The following CACNA2D1 variants were observed in gnomAD, a reference collection of about 807,000 sequenced individuals.
CACNA2D1 encodes the protein calcium voltage-gated channel auxiliary subunit alpha2delta 1.
A neutral mutation model predicts 171.5 loss-of-function variants in CACNA2D1; 53 were observed. The ratio of observed to expected loss-of-function variants is 0.31; its 90% CI spans 0.25 to 0.39. The LOEUF is 0.39. Among genes scored for constraint, CACNA2D1 ranks in the 10% least tolerant of loss-of-function variants. CACNA2D1 has a pLI of 1.00. For synonymous variants in CACNA2D1, 442 were observed against 443.1 expected (o/e 1.00, Z 0.03); for missense variants, 903 against 1,299.8 (o/e 0.69, Z 4.69).
At chr7:81,982,729 A>C in intron 23 of CACNA2D1, 102 bp from the exon 24 acceptor site, 1 of 805,816 alleles carries the variant, frequency 1.2e-6, no homozygotes, top group Non-Finnish European at 2.2e-6. Flanking sequence ...AATAAGAAAA[A>C]TTGAAAATAG....
chr7:82,259,422 T>C (rs746820260), intron 3 of CACNA2D1, among the ~76,000 whole-genome samples: 3 of 152,210 alleles, frequency 2.0e-5, no homozygotes, highest in Non-Finnish European at 4.4e-5. Flanking sequence ...GTATACCTCA[T>C]TCGTGTCACA....
rs79309697 is a variant in CACNA2D1, at chr7:82,070,459, G to A, written c.659-3935C>T. On this transcript the variant is annotated intron_variant, in intron 7 of 38. Coordinates refer to ENST00000356860, the MANE Select transcript of CACNA2D1 (RefSeq NM_000722.4). Reference sequence around the variant, plus strand: ...AACAGGCTAAGTTGCGCAGGGTGTGGAGAGTGGTAGTGCATGGATAGATTC... The same window carrying A: ...AACAGGCTAAGTTGCGCAGGGTGTGAAGAGTGGTAGTGCATGGATAGATTC... Among the ~76,000 whole-genome samples, 11 of 152,302 alleles carry A rather than the reference G, an allele frequency of 7.2e-5. No individual in the cohort carries two copies. In the South Asian group the frequency reaches 1.7e-3, roughly 23 times the overall value.
intron 3 of CACNA2D1, among the ~76,000 whole-genome samples, chr7:82,216,565 C>T (rs951656828): frequency 5.3e-5 from 8 of 152,068 alleles, no homozygotes; most frequent in African/African-American, 1.9e-4. Context: ...ATAACTACTC[C>T]AAACTTTCCT....
At chr7:82,040,459 A>AAAAC (rs1554367621) in intron 10 of CACNA2D1, among the ~76,000 whole-genome samples, 7 of 145,900 alleles carry the variant, frequency 4.8e-5, no homozygotes, top group South Asian at 2.2e-4. Context: ...ATTCAAAAAA[A>AAAAC]AAAAAAAAAA....
At chr7:81,967,029 GAATAT>G in intron 31 of CACNA2D1, 135 bp downstream of exon 31, 1 of 633,748 alleles carries the variant, frequency 1.6e-6, no homozygotes, top group Non-Finnish European at 2.8e-6. Context: ...AAATTCAAAT[GAATAT>G]ATTATTTCAC....
intron 1 of CACNA2D1, among the ~76,000 whole-genome samples, chr7:82,350,732 T>C (rs1010929578): frequency 3.3e-5 from 5 of 152,152 alleles, no homozygotes; most frequent in African/African-American, 1.2e-4. Flanking sequence ...AGATTTGGAA[T>C]TACTAGATCC....
chr7:82,352,830 T>C (rs1217443495), intron 1 of CACNA2D1, among the ~76,000 whole-genome samples: 3 of 152,068 alleles, frequency 2.0e-5, no homozygotes, highest in Non-Finnish European at 4.4e-5. Flanking sequence ...ATGTAAGACA[T>C]GATGTGTTCA....
At chr7:82,040,461 A>AAAC (rs1256703622) in intron 10 of CACNA2D1, among the ~76,000 whole-genome samples, 5 of 141,926 alleles carry the variant, frequency 3.5e-5, no homozygotes, top group African/African-American at 1.0e-4. Context: ...TCAAAAAAAA[A>AAAC]AAAAAAAAAA....
rs138479427 is a variant in CACNA2D1, at chr7:82,266,419, T to C, written c.294+68716A>G. On this transcript the variant is annotated intron_variant, in intron 3 of 38. Transcript: ENST00000356860. The stretch of plus-strand genomic sequence containing the variant: ...ATGGTTGTAAATTTACATGTAGAAA[T>C]ATAGCAGTATGGAAATCAACTCATA... 2.3e-3 allele frequency among the ~76,000 whole-genome samples: 351 copies of C among 152,324 alleles called. 5 individuals are homozygous for C. The highest frequency in any genetic ancestry group is 1.4e-3 in the Non-Finnish European group (97 of 68,034).
rs1812435567 is a variant in CACNA2D1 at position 82,099,714 on chromosome 7, G to T, written c.527-14814C>A. On this transcript the variant is annotated intron_variant, in intron 6 of 38. Coordinates refer to ENST00000356860, the MANE Select transcript of CACNA2D1 (RefSeq NM_000722.4). Reference sequence around the variant, plus strand: ...TCCGCCCGCCTCGGCCTCCCAAAGTGCTGGGATTACAGGCGTGAGCCACCG... The same window carrying T: ...TCCGCCCGCCTCGGCCTCCCAAAGTTCTGGGATTACAGGCGTGAGCCACCG... Among the ~76,000 whole-genome samples, 2 of 57,806 alleles carry T rather than the reference G, an allele frequency of 3.5e-5. 1 individual carries two copies. The highest frequency in any genetic ancestry group is 8.7e-5 in the Non-Finnish European group (2 of 23,092). The allele number at this position is 57,806 out of a possible 152,430, so 37.9% of individuals were successfully genotyped here.
At chr7:82,422,181 GTAA>G (rs1002013773) in intron 1 of CACNA2D1, among the ~76,000 whole-genome samples, 2 of 152,156 alleles carry the variant, frequency 1.3e-5, no homozygotes, top group African/African-American at 2.4e-5. Flanking sequence ...CACATAAAAT[GTAA>G]TAATAATTAA....
chr7:82,163,888 A>G (rs1205730995), intron 4 of CACNA2D1, among the ~76,000 whole-genome samples: 1 of 152,002 alleles, frequency 6.6e-6, no homozygotes. Flanking sequence ...GAGAGATAGT[A>G]CTCATAGAAG....
At chr7:82,162,828 C>T (rs906818382) in intron 4 of CACNA2D1, among the ~76,000 whole-genome samples, 2 of 151,920 alleles carry the variant, frequency 1.3e-5, no homozygotes, top group African/African-American at 2.4e-5. Context: ...GGTCAGCTTT[C>T]CTGGGTAGCT....
chr7:82,176,294 A>T (rs1295311123), intron 3 of CACNA2D1, among the ~76,000 whole-genome samples: 1 of 151,960 alleles, frequency 6.6e-6, no homozygotes, highest in East Asian at 1.9e-4. Context: ...CAAAGGTAAA[A>T]TGTTCTTTTT....
intron 6 of CACNA2D1, among the ~76,000 whole-genome samples, chr7:82,092,465 C>A (rs750998449): frequency 6.6e-6 from 1 of 151,600 alleles, no homozygotes; most frequent in Non-Finnish European, 1.5e-5. Flanking sequence ...CTCCGCCTCC[C>A]GGGTTCATGC....
chr7:82,409,139 T>G (rs1378633309), intron 1 of CACNA2D1, among the ~76,000 whole-genome samples: 1 of 152,182 alleles, frequency 6.6e-6, no homozygotes, highest in Non-Finnish European at 1.5e-5. Flanking sequence ...TTGTAATTAC[T>G]TGAGAACAAA....
intron 24 of CACNA2D1, among the ~76,000 whole-genome samples, chr7:81,980,093 A>T (rs1023996094): frequency 1.4e-5 from 1 of 73,708 alleles, no homozygotes; most frequent in Admixed American, 1.4e-4. Context: ...AGGGAGCGGG[A>T]TGCATATGTA....
At chr7:82,089,304 T>C (rs538499999) in intron 6 of CACNA2D1, among the ~76,000 whole-genome samples, 65 of 152,336 alleles carry the variant, frequency 4.3e-4, no homozygotes, top group South Asian at 2.1e-3. Flanking sequence ...TACCAGTTGC[T>C]GACAAATTTA....
intron 3 of CACNA2D1, among the ~76,000 whole-genome samples, chr7:82,260,551 C>A (rs1228968849): frequency 1.3e-5 from 2 of 152,140 alleles, no homozygotes; most frequent in Non-Finnish European, 2.9e-5. Context: ...AAGACATCAG[C>A]CTCTCTAGTA....
Sources: gnomAD v4.1 joint callset for allele counts (sites outside exome capture counted in the v4.1 genomes callset) on GRCh38, gnomAD v4.1.1 for gene constraint, MANE v1.5 for transcripts, NCBI Gene and HGNC (gene_info 2026-07-23, HGNC 2026-07-21) for gene names.